Variants in ZNF678 observed in about 807,000 individuals in gnomAD.
ZNF678 encodes zinc finger protein 678.
In ZNF678, 5 loss-of-function variants were observed where a neutral mutation model predicts 3.0. The ratio of observed to expected loss-of-function variants is 1.69; its 90% CI spans 0.88 to 3.56. ZNF678 has a LOEUF of 3.56. ZNF678 is among the 30% of genes most tolerant of loss of function. ZNF678 has a pLI of 0.00. For synonymous variants in ZNF678, 218 were observed against 199.6 expected, an observed-to-expected ratio of 1.09 and a Z score of -0.78; for missense variants, 593 against 605.0, an observed-to-expected ratio of 0.98 and a Z score of 0.21.
intron 1 of ZNF678, among the ~76,000 whole-genome samples, chr1:227,593,043 C>T (rs571251317): frequency 2.6e-5 from 4 of 152,358 alleles, no homozygotes; most frequent in Admixed American, 6.5e-5. Context: ...TGTTGGGAGA[C>T]GGAAGCTGGA....
intron 1 of ZNF678, among the ~76,000 whole-genome samples, chr1:227,608,258 A>G (rs932604387): frequency 6.6e-6 from 1 of 152,140 alleles, no homozygotes; most frequent in Admixed American, 6.5e-5. Flanking sequence ...ATTTGGGTTA[A>G]GTAGAAAATT....
At chr1:227,608,297 TG>T (rs777580707) in intron 1 of ZNF678, among the ~76,000 whole-genome samples, 2 of 151,940 alleles carry the variant, frequency 1.3e-5, no homozygotes, top group Non-Finnish European at 2.9e-5. Flanking sequence ...AAGGATTAGG[TG>T]AGTACTAAGA....
chr1:227,618,921 G>C (rs771156959), intron 1 of ZNF678, among the ~76,000 whole-genome samples: 1 of 152,142 alleles, frequency 6.6e-6, no homozygotes, highest in African/African-American at 2.4e-5. Context: ...CCATGGCTGG[G>C]GGGGCCTCAG....
chr1:227,667,024 C>T (rs1571926927), downstream of ZNF678, among the ~76,000 whole-genome samples: 1 of 151,560 alleles, frequency 6.6e-6, no homozygotes, highest in Middle Eastern at 3.5e-3. Context: ...GGATTACAGG[C>T]GTGAGCTACC....
intron 1 of ZNF678, among the ~76,000 whole-genome samples, chr1:227,580,356 C>A (rs1657093939): frequency 6.6e-6 from 1 of 152,048 alleles, no homozygotes; most frequent in Non-Finnish European, 1.5e-5. Context: ...AATTGACTTT[C>A]ATTAGTCATA....
intron 1 of ZNF678, among the ~76,000 whole-genome samples, chr1:227,593,027 A>T (rs1657457529): frequency 6.6e-6 from 1 of 152,254 alleles, no homozygotes; most frequent in African/African-American, 2.4e-5. Flanking sequence ...CACAAAGTGA[A>T]CTTAGTGTTG....
chr1:227,654,727 C>G lies in ZNF678; in HGVS notation c.477C>G (p.Gly159=). 6.2e-7 allele frequency: 1 copy of G among 1,613,010 alleles called. No individual in the cohort carries two copies. The highest frequency in any genetic ancestry group is 1.1e-5 in the South Asian group (1 of 90,998). Residue 159 remains glycine, a synonymous_variant, in exon 4 of 4, where the codon GGC becomes GGG. Transcript: ENST00000343776. The stretch of plus-strand genomic sequence containing the variant: ...AACCCTACAAATGTGACGAATGTGG[C>G]AAAGTTTTTAATTGGTGGTCACAAC... The part of the protein sequence containing the change: ...GEKPYKCDEC[G]KVFNWWSQLT...
At chr1:227,666,618 T>A (rs1217943600), downstream of ZNF678, among the ~76,000 whole-genome samples, 1 of 152,172 alleles carries the variant, frequency 6.6e-6, no homozygotes, top group Non-Finnish European at 1.5e-5. Flanking sequence ...CAGCTTCTCC[T>A]TGAGTAGGCC....
At chr1:227,626,422 G>C (rs1571896724) in intron 1 of ZNF678, among the ~76,000 whole-genome samples, 1 of 152,160 alleles carries the variant, frequency 6.6e-6, no homozygotes, top group East Asian at 1.9e-4. Context: ...TGGGGAGTTG[G>C]AGGGAAGGGA....
chr1:227,650,909 A>G, intron 2 of ZNF678, 47 bp from the exon 3 acceptor site: 12 of 1,476,542 alleles, frequency 8.1e-6, no homozygotes, highest in Non-Finnish European at 1.1e-5. Flanking sequence ...TTTCTTTTCA[A>G]TTTTTATGGC....
chr1:227,605,437 A>G (rs1041945137), intron 1 of ZNF678, among the ~76,000 whole-genome samples: 2 of 152,200 alleles, frequency 1.3e-5, no homozygotes, highest in African/African-American at 2.4e-5. Context: ...CTTTTCGTAT[A>G]TGACTTTTAA....
downstream of ZNF678, among the ~76,000 whole-genome samples, chr1:227,667,198 C>G (rs1659517397): frequency 6.6e-6 from 1 of 151,982 alleles, no homozygotes; most frequent in African/African-American, 2.4e-5. Flanking sequence ...TGCACGCCAG[C>G]ACACCCAGCT....
intron 5 of ZNF678, among the ~76,000 whole-genome samples, chr1:227,670,822 C>G (rs762126634): frequency 5.3e-5 from 8 of 152,324 alleles, no homozygotes; most frequent in African/African-American, 1.9e-4. Flanking sequence ...CTGTTTACTG[C>G]CTCAGAGTCT....
intron 1 of ZNF678, among the ~76,000 whole-genome samples, chr1:227,572,258 C>G (rs1156667733): frequency 6.6e-6 from 1 of 152,180 alleles, no homozygotes; most frequent in Non-Finnish European, 1.5e-5. Context: ...AGGACCATTT[C>G]TTGTTGACAT....
chr1:227,621,473 C>T (rs1205246781), intron 1 of ZNF678, among the ~76,000 whole-genome samples: 3 of 152,120 alleles, frequency 2.0e-5, no homozygotes, highest in Admixed American at 2.0e-4. Context: ...TATATGTCTC[C>T]TTAGATACAC....
At chr1:227,670,651 G>T (rs1659583744) in intron 5 of ZNF678, among the ~76,000 whole-genome samples, 1 of 152,156 alleles carries the variant, frequency 6.6e-6, no homozygotes, top group African/African-American at 2.4e-5. Context: ...GATCAGAAAG[G>T]TCTCAAGTGG....
intron 1 of ZNF678, among the ~76,000 whole-genome samples, chr1:227,588,867 A>G (rs1236242317): frequency 6.9e-6 from 1 of 145,728 alleles, no homozygotes; most frequent in African/African-American, 2.5e-5. Context: ...TGTGGTTTTC[A>G]TTTGCATTTT....
chr1:227,586,802 G>A (rs1335779909), intron 1 of ZNF678, among the ~76,000 whole-genome samples: 1 of 152,176 alleles, frequency 6.6e-6, no homozygotes, highest in African/African-American at 2.4e-5. Flanking sequence ...CATGTGTTTG[G>A]TCATATTCTT....
At chr1:227,625,409 G>T (rs545757432) in intron 1 of ZNF678, among the ~76,000 whole-genome samples, 1 of 152,272 alleles carries the variant, frequency 6.6e-6, no homozygotes, top group Non-Finnish European at 1.5e-5. Context: ...TTCCTTCAAT[G>T]TCATCAACAT....
Sources: allele counts gnomAD v4.1 joint callset (sites outside exome capture counted in the v4.1 genomes callset), GRCh38; gene constraint gnomAD v4.1.1; transcripts MANE v1.5; gene names NCBI Gene and HGNC (gene_info 2026-07-23, HGNC 2026-07-21).